ARHGAP42: variants seen among roughly 807,000 people sequenced by gnomAD.
ARHGAP42 encodes the protein rho GTPase-activating protein 42.
Under a neutral mutation model 125.0 loss-of-function variants are expected in ARHGAP42, and 63 were observed. The observed-to-expected ratio is 0.50, with a 90% CI of 0.41 to 0.62. The LOEUF is 0.62. Among genes scored for constraint, ARHGAP42 ranks in the 20% least tolerant of loss-of-function variants. The pLI is 0.00. For synonymous variants in ARHGAP42, 339 were observed against 351.0 expected (o/e 0.97, Z 0.38); for missense variants, 766 against 1,024.2 (o/e 0.75, Z 3.44).
At chr11:100,917,256 C>T (rs1230833551) in intron 5 of ARHGAP42, among the ~76,000 whole-genome samples, 1 of 152,070 alleles carries the variant, frequency 6.6e-6, no homozygotes, top group Non-Finnish European at 1.5e-5. Context: ...CAGTAGGTTC[C>T]TCTTGAGGCA....
chr11:100,933,639 TATTA>T (rs1462116861), intron 7 of ARHGAP42, among the ~76,000 whole-genome samples: 5 of 152,312 alleles, frequency 3.3e-5, no homozygotes, highest in East Asian at 1.9e-4. Flanking sequence ...GTGATTGATA[TATTA>T]ATTAACTTGA....
At chr11:100,875,130 TGTGTGTGTGTGTGTGTGTGTGTGG>T (rs1300744513) in intron 4 of ARHGAP42, among the ~76,000 whole-genome samples, 7 of 121,924 alleles carry the variant, frequency 5.7e-5, no homozygotes, top group African/African-American at 2.2e-4. Context: ...TGTGTGTGTG[TGTGTGTGTGTGTGTGTGTGTGTGG>T]CTCATGAACT....
At chr11:100,694,150 C>T (rs532898347) in intron 1 of ARHGAP42, among the ~76,000 whole-genome samples, 10 of 152,092 alleles carry the variant, frequency 6.6e-5, no homozygotes, top group African/African-American at 1.2e-4. Context: ...CCAGGCTGGT[C>T]GCAAACTCCT....
At chr11:100,819,162 C>T (rs776420199) in intron 3 of ARHGAP42, among the ~76,000 whole-genome samples, 125 of 152,070 alleles carry the variant, frequency 8.2e-4, no homozygotes, top group Non-Finnish European at 1.2e-3. Flanking sequence ...AGCAGTGGAC[C>T]TGGATGAATA....
chr11:100,845,063 A>G (rs1865029325), intron 3 of ARHGAP42, among the ~76,000 whole-genome samples: 1 of 151,904 alleles, frequency 6.6e-6, no homozygotes, highest in Non-Finnish European at 1.5e-5. Context: ...CAACAAGTGG[A>G]TAAAGAAACT....
chr11:100,862,821 G>A (rs551891820), intron 4 of ARHGAP42, among the ~76,000 whole-genome samples: 234 of 151,860 alleles, frequency 1.5e-3, no homozygotes, highest in African/African-American at 5.5e-3. Context: ...ACCTGAGTTC[G>A]GGAGTTCGAG....
intron 4 of ARHGAP42, among the ~76,000 whole-genome samples, chr11:100,906,560 G>A (rs775108463): frequency 7.7e-6 from 1 of 129,184 alleles, no homozygotes; most frequent in Non-Finnish European, 1.6e-5. Context: ...TACATATTGG[G>A]CCATTTTAAT....
intron 3 of ARHGAP42, among the ~76,000 whole-genome samples, chr11:100,803,871 A>T (rs2069475527): frequency 6.6e-6 from 1 of 152,230 alleles, no homozygotes; most frequent in African/African-American, 2.4e-5. Context: ...TAAAGAATTT[A>T]TACCAGTGAA....
At chr11:100,902,662 C>A (rs1475688972) in intron 4 of ARHGAP42, among the ~76,000 whole-genome samples, 1 of 151,972 alleles carries the variant, frequency 6.6e-6, no homozygotes, top group East Asian at 1.9e-4. Context: ...ACCCCTTGTC[C>A]CTTTCATGTG....
intron 2 of ARHGAP42, among the ~76,000 whole-genome samples, chr11:100,779,552 A>ATACATACGTATATATACGTATAAATACG: frequency 1.1e-5 from 1 of 87,342 alleles, no homozygotes; most frequent in African/African-American, 4.1e-5. Flanking sequence ...ATATATATAC[A>ATACATACGTATATATACGTATAAATACG]TATACATACG....
intron 4 of ARHGAP42, among the ~76,000 whole-genome samples, chr11:100,863,507 A>G (rs536776124): frequency 4.6e-5 from 7 of 152,282 alleles, no homozygotes; most frequent in African/African-American, 1.2e-4. Flanking sequence ...AGTGTATTCT[A>G]TGGCACTTTG....
rs533782798 is a variant in ARHGAP42 at position 100,773,956 on chromosome 11, G to A, written c.250+3518G>A. Among the ~76,000 whole-genome samples the A allele has an allele frequency of 8.5e-5, 13 of 152,194 alleles. No homozygotes were observed. The South Asian group carries it at 2.5e-3, about 29-fold the overall frequency. ...AGACTTATTTAAACCCTTTGCACTC[G>A]GAATCTGATTTAAATAGCAATGCTA... is the stretch of plus-strand genomic sequence containing the variant. On this transcript the variant is annotated intron_variant, in intron 2 of 23. Coordinates refer to ENST00000298815, the MANE Select transcript of ARHGAP42 (RefSeq NM_152432.4).
chr11:100,793,547 A>G (rs549464839), intron 2 of ARHGAP42, among the ~76,000 whole-genome samples: 4 of 152,376 alleles, frequency 2.6e-5, no homozygotes, highest in South Asian at 2.1e-4. Context: ...TTTGGCTAGT[A>G]TAAGCCTAGT....
At chr11:100,767,011 A>G (rs145981637) in intron 1 of ARHGAP42, among the ~76,000 whole-genome samples, 1 of 152,336 alleles carries the variant, frequency 6.6e-6, no homozygotes, top group African/African-American at 2.4e-5. Context: ...AATGCTGAAC[A>G]ATAATACTGT....
intron 18 of ARHGAP42, among the ~76,000 whole-genome samples, chr11:100,974,225 G>A (rs1235754192): frequency 6.6e-6 from 1 of 152,064 alleles, no homozygotes; most frequent in Non-Finnish European, 1.5e-5. Context: ...GTTCATATTT[G>A]GAAGGTTTCT....
At chr11:100,897,685 G>A (rs975409088) in intron 4 of ARHGAP42, among the ~76,000 whole-genome samples, 5 of 152,186 alleles carry the variant, frequency 3.3e-5, no homozygotes, top group Admixed American at 6.5e-5. Flanking sequence ...TTTGCACATT[G>A]ATTATGTATC....
intron 18 of ARHGAP42, 24 bp downstream of exon 18, chr11:100,973,358 G>C: frequency 6.5e-7 from 1 of 1,547,490 alleles, no homozygotes. Context: ...TCATGTGGAA[G>C]TGTCAAGTTT....
At chr11:100,879,025 T>G (rs1241004196) in intron 4 of ARHGAP42, among the ~76,000 whole-genome samples, 1 of 151,162 alleles carries the variant, frequency 6.6e-6, no homozygotes, top group Non-Finnish European at 1.5e-5. Flanking sequence ...AAATATTTAG[T>G]GTGGTTTAGT....
intron 1 of ARHGAP42, among the ~76,000 whole-genome samples, chr11:100,741,429 TAG>T (rs1319291779): frequency 1.3e-5 from 2 of 152,164 alleles, no homozygotes; most frequent in Non-Finnish European, 2.9e-5. Context: ...TGTGTGTGAA[TAG>T]AGAGAGGGTG....
Sources: gnomAD v4.1 joint callset for allele counts (sites outside exome capture counted in the v4.1 genomes callset) on GRCh38, gnomAD v4.1.1 for gene constraint, MANE v1.5 for transcripts, NCBI Gene and HGNC (gene_info 2026-07-23, HGNC 2026-07-21) for gene names.